OGFR: variants seen among roughly 807,000 people sequenced by gnomAD.
OGFR encodes protein 7-60.
OGFR carries 18 observed loss-of-function variants against 33.6 expected under a neutral mutation model. The ratio of observed to expected loss-of-function variants is 0.54; its 90% CI spans 0.37 to 0.80. The LOEUF is 0.80. Ranked by LOEUF, OGFR falls within the 30% of genes least tolerant of loss-of-function variation. The probability of loss-of-function intolerance (pLI) is 0.00; values close to 1 mark genes in which losing one functional copy is unlikely to be tolerated. For missense variants in OGFR, 877 were observed against 955.8 expected (o/e 0.92, Z 1.09); for synonymous variants, 370 against 400.7 (o/e 0.92, Z 0.91).
In OGFR at chr20:62,811,423, A is replaced by G. The variant is rs1600776022; in HGVS notation, c.466-39A>G. 1.8e-5 allele frequency: 29 copies of G among 1,604,178 alleles called. 1 individual carries two copies. In the East Asian group the frequency reaches 6.5e-4, roughly 36 times the overall value. On this transcript the variant is annotated intron_variant, in intron 5 of 6. Coordinates refer to ENST00000290291, the MANE Select transcript of OGFR (RefSeq NM_007346.4). ...CCCCACACTCAGGAACCGGGGCTTC[A>G]GGGATGGTGCCTGAGCTCTCCAAGG...
chr20:62,812,155 G>T, intron 6 of OGFR, 75 bp from the exon 7 acceptor site: 1 of 1,324,466 alleles, frequency 7.6e-7, no homozygotes, highest in Non-Finnish European at 1.0e-6. Context: ...CGGGTGGGAG[G>T]GCAGGCCAGG....
intron 5 of OGFR, among the ~76,000 whole-genome samples, chr20:62,811,199 T>C (rs1317109268): frequency 1.3e-5 from 2 of 150,912 alleles, no homozygotes; most frequent in Non-Finnish European, 2.9e-5. Context: ...CCGTTTCTAC[T>C]AAAAATAGAA....
chr20:62,808,176 A>G, intron 2 of OGFR, 71 bp from the exon 3 acceptor site: 1 of 1,229,912 alleles, frequency 8.1e-7, no homozygotes, highest in Non-Finnish European at 1.2e-6. Context: ...CGCCTCCCCG[A>G]AAGACACGGA....
rs763142941 is a variant in OGFR at position 62,812,842 on chromosome 20, G to T, written c.1227G>T (p.Lys409Asn). 40 of 1,612,682 alleles carry T rather than the reference G, an allele frequency of 2.5e-5. No individual in the cohort carries two copies. Among genetic ancestry groups the T allele is most frequent in the Admixed American group, 1.3e-4 (8 of 60,012 alleles). Residue 409 changes from lysine (K) to asparagine (N), a missense_variant, in exon 7 of 7, where the codon AAG (lysine) becomes AAT (asparagine). Physicochemically the swap from Lys to Asn is moderately conservative, Grantham distance 94. Around this residue, in one of 3 missense-constraint regions of OGFR, gnomAD observed 760 missense variants for 736.0 expected, o/e 1.03. Coordinates refer to ENST00000290291, the MANE Select transcript of OGFR (RefSeq NM_007346.4). ...PGPQSASEVEKIALNLEGCAL... is the reference protein window; with the variant it reads ...PGPQSASEVENIALNLEGCAL... ...CTCAGAGTGCCTCAGAGGTGGAGAA[G>T]ATCGCTCTGAATTTGGAGGGGTGTG...
In OGFR at chr20:62,813,583, G is replaced by C; in HGVS notation, c.1968G>C (p.Lys656Asn). 1 of 1,612,870 alleles carries C rather than the reference G, an allele frequency of 6.2e-7. No homozygotes were observed. The highest frequency in any genetic ancestry group is 8.5e-7 in the Non-Finnish European group (1 of 1,179,964). ...GACCTACAAGGGATGAGCCAGCCAA[G>C]GCGGGGGAGGCAGCAGAGTTGCAGG... is the stretch of plus-strand genomic sequence containing the variant. ...PAGPTRDEPA[K>N]AGEAAELQDA... Residue 656 changes from lysine to asparagine, a missense_variant, in exon 7 of 7, where the codon AAG (lysine) becomes AAC (asparagine). This residue lies in a region of OGFR where 45 missense variants were observed against 38.0 expected (regional missense o/e 1.19). Transcript: ENST00000290291.
intron 1 of OGFR, chr20:62,806,739 C>G (rs1990601598): frequency 1.3e-5 from 2 of 152,344 alleles, no homozygotes; most frequent in Admixed American, 1.3e-4. Context: ...CCCATTCCTG[C>G]CCTACCCACC....
In OGFR at chr20:62,813,121, G is replaced by T. The variant is rs777660513; in HGVS notation, c.1506G>T (p.Glu502Asp). The T allele has an allele frequency of 1.9e-6, 3 of 1,579,720 alleles. No individual in the cohort carries two copies. The highest frequency in any genetic ancestry group is 2.6e-6 in the Non-Finnish European group (3 of 1,162,884). ...GACACAGTGAGAACGGGGTTGAGGA[G>T]GACACAGAAGGTCGAACGGGGCCCA... ...KAGHSENGVE[E>D]DTEGRTGPKE... The change falls in exon 7 of 7, where the codon GAG becomes GAT. Residue 502 changes from glutamate (E) to aspartate (D), a missense_variant. Transcript: ENST00000290291.
Position 62,813,970 on chromosome 20 carries a change from G to C in OGFR, c.*321G>C. ...TTTTCTTAGTCTGATACCAAGCAAGGCCTTTTCTGAATAAATTCATTTGAC... is the reference window on the plus strand; with the variant it reads ...TTTTCTTAGTCTGATACCAAGCAAGCCCTTTTCTGAATAAATTCATTTGAC... On this transcript the variant is annotated 3_prime_UTR_variant, in exon 7 of 7. Transcript: ENST00000290291. 1 of 449,076 alleles carries C rather than the reference G, an allele frequency of 2.2e-6. No individual in the cohort carries two copies. The highest frequency in any genetic ancestry group is 4.0e-6 in the Non-Finnish European group (1 of 250,926). 27.8% of individuals were successfully genotyped at this position (449,076 alleles called of 1,614,324 possible).
chr20:62,812,682 G>A lies in OGFR; in HGVS notation c.1067G>A (p.Gly356Glu), dbSNP rs758643834. ...QPRSVEPQDA[G>E]PLERSQGDEA... The stretch of plus-strand genomic sequence containing the variant: ...CGGAGCGTGGAGCCCCAGGATGCGG[G>A]ACCCCTGGAGAGGAGCCAGGGGGAT... Residue 356 changes from glycine (G) to glutamate (E), a missense_variant, in exon 7 of 7, where the codon GGA (glycine) becomes GAA (glutamate). Gly to Glu is a moderately conservative substitution (Grantham distance 98, BLOSUM62 -2). Coordinates refer to ENST00000290291, the MANE Select transcript of OGFR (RefSeq NM_007346.4). The A allele has an allele frequency of 1.0e-5, 16 of 1,570,626 alleles. No individual in the cohort carries two copies. In the South Asian group the frequency reaches 1.4e-4, roughly 14 times the overall value.
intron 5 of OGFR, 119 bp downstream of exon 5, chr20:62,810,684 T>G (rs1351325452): frequency 1.1e-6 from 1 of 895,128 alleles, no homozygotes; most frequent in East Asian, 2.5e-5. Context: ...AGGGGTCCCT[T>G]GGAAGGCAGA....
Position 62,811,623 on chromosome 20 carries a change from T to TGCGGGCC in OGFR, c.614+15_614+16insGGGCCGC. ...AGAACCTGAACTGGTGAGGCCCGGC[T>TGCGGGCC]GCTCCCGCCCACCCCCACCCCGGCG... On this transcript the variant is annotated intron_variant, in intron 6 of 6. Transcript: ENST00000290291. 2 of 1,555,056 alleles carry TGCGGGCC rather than the reference T, an allele frequency of 1.3e-6. No homozygotes were observed. Among genetic ancestry groups the TGCGGGCC allele is most frequent in the Non-Finnish European group, 1.7e-6 (2 of 1,149,684 alleles).
At position 62,811,629 on chromosome 20, in the gene OGFR, C is replaced by CGGGG; in HGVS notation, c.614+20_614+21insGGGG. 2.0e-6 allele frequency: 3 copies of CGGGG among 1,514,432 alleles called. No homozygotes were observed. Among genetic ancestry groups the CGGGG allele is most frequent in the African/African-American group, 1.4e-5 (1 of 72,378 alleles). The allele number at this position is 1,514,432 out of a possible 1,614,324, so 93.8% of individuals were successfully genotyped here. On this transcript the variant is annotated intron_variant, in intron 6 of 6. Coordinates refer to ENST00000290291, the MANE Select transcript of OGFR (RefSeq NM_007346.4). Reference sequence around the variant, plus strand: ...TGAACTGGTGAGGCCCGGCTGCTCCCGCCCACCCCCACCCCGGCGCAGAAC... The same window carrying CGGGG: ...TGAACTGGTGAGGCCCGGCTGCTCCCGGGGGCCCACCCCCACCCCGGCGCAGAAC...
chr20:62,811,097 C>G (rs543577875), intron 5 of OGFR, among the ~76,000 whole-genome samples: 2 of 152,372 alleles, frequency 1.3e-5, no homozygotes, highest in Admixed American at 6.5e-5. Flanking sequence ...TGCCGTGGCT[C>G]ACGTTTGTAA....
At chr20:62,808,825 A>G (rs1401507199) in intron 3 of OGFR, among the ~76,000 whole-genome samples, 1 of 152,012 alleles carries the variant, frequency 6.6e-6, no homozygotes, top group African/African-American at 2.4e-5. Flanking sequence ...TACAAAAAAA[A>G]TTAGCCAGGT....
At position 62,812,291 on chromosome 20, in the gene OGFR, G is replaced by C. The variant is rs772103301; in HGVS notation, c.676G>C (p.Glu226Gln). The change falls in exon 7 of 7, where the codon GAG becomes CAG. Residue 226 changes from glutamate to glutamine, a missense_variant. Physicochemically the swap from Glu to Gln is conservative, Grantham distance 29 (BLOSUM62 2). Transcript: ENST00000290291. ...ILKSLGELGL[E>Q]HFQAPLVRFF... ...CAAGTCGCTGGGTGAGCTGGGCCTC[G>C]AGCACTTCCAGGCGCCGCTGGTCCG... 5.2e-6 allele frequency: 8 copies of C among 1,543,192 alleles called. No individual in the cohort carries two copies. The highest frequency in any genetic ancestry group is 3.4e-4 in the Middle Eastern group (2 of 5,928).
In OGFR at chr20:62,813,029, G is replaced by T. The variant is rs986789982; in HGVS notation, c.1414G>T (p.Ala472Ser). ...DEGAGDSAAV[A>S]SGGAQTLALA... ...GGGTGCTGGGGACAGTGCTGCGGTG[G>T]CCAGTGGTGGTGCCCAGACCTTGGC... Residue 472 changes from alanine (A) to serine (S), a missense_variant, in exon 7 of 7, where the codon GCC (alanine) becomes TCC (serine). Ala to Ser is a moderately conservative substitution (Grantham distance 99). This residue lies in a region of OGFR where 760 missense variants were observed against 736.0 expected (regional missense o/e 1.03). Coordinates refer to ENST00000290291, the MANE Select transcript of OGFR (RefSeq NM_007346.4). 2 of 1,601,084 alleles carry T rather than the reference G, an allele frequency of 1.2e-6. No homozygotes were observed. The highest frequency in any genetic ancestry group is 2.2e-5 in the South Asian group (2 of 89,696).
In OGFR at chr20:62,813,487, C is replaced by G. The variant is rs1990796449; in HGVS notation, c.1872C>G (p.Pro624=). ...AGAGCCCATCGGAGACCCCAGGCCC[C>G]CGCCCGGCAGGACCTGCAGGGGACG... ...PAESPSETPG[P]RPAGPAGDEP... is the part of the protein sequence containing the mutation. Residue 624 remains proline (P), a synonymous_variant, in exon 7 of 7, where the codon CCC becomes CCG. Coordinates refer to ENST00000290291, the MANE Select transcript of OGFR (RefSeq NM_007346.4). The G allele has an allele frequency of 6.8e-7, 1 of 1,466,568 alleles. No homozygotes were observed. Among genetic ancestry groups the G allele is most frequent in the Non-Finnish European group, 9.1e-7 (1 of 1,101,006 alleles). The allele number at this position is 1,466,568 out of a possible 1,614,324, so 90.8% of individuals were successfully genotyped here.
intron 1 of OGFR, among the ~76,000 whole-genome samples, chr20:62,805,275 C>T (rs1990561044): frequency 6.6e-6 from 1 of 151,750 alleles, no homozygotes; most frequent in Non-Finnish European, 1.5e-5. Context: ...GCGCCGTTCC[C>T]CCCGGGGGTG....
intron 5 of OGFR, among the ~76,000 whole-genome samples, 167 bp downstream of exon 5, chr20:62,810,732 C>T (rs1990709113): frequency 6.6e-6 from 1 of 152,232 alleles, no homozygotes; most frequent in Admixed American, 6.5e-5. Context: ...ACCTTCCCTC[C>T]CCAGTGGTCC....
Sources: allele counts gnomAD v4.1 joint callset (sites outside exome capture counted in the v4.1 genomes callset), GRCh38; gene constraint gnomAD v4.1.1; regional missense constraint gnomAD v4.1.1; transcripts MANE v1.5; gene names NCBI Gene and HGNC (gene_info 2026-07-23, HGNC 2026-07-21).